DMD: variants seen among roughly 807,000 people sequenced by gnomAD.
DMD encodes mutant dystrophin.
A neutral mutation model predicts 330.1 loss-of-function variants in DMD; 63 were observed. The observed-to-expected ratio is 0.19, with a 90% CI of 0.16 to 0.24. The LOEUF is 0.24. Ranked by LOEUF, DMD falls within the 10% of genes least tolerant of loss-of-function variation. DMD has a pLI of 1.00. For missense variants in DMD, 3,344 were observed against 2,684.1 expected, an observed-to-expected ratio of 1.25 and a Z score of -5.43; for synonymous variants, 1,223 against 959.8, an observed-to-expected ratio of 1.27 and a Z score of -5.07.
At chrX:32,189,497 TA>T (rs1250476518) in intron 44 of DMD, among the ~76,000 whole-genome samples, 1 of 111,013 alleles carries the variant, frequency 9.0e-6, no homozygotes, top group Non-Finnish European at 1.9e-5. Context: ...CAGAATCAAG[TA>T]AATGTGACAG....
intron 56 of DMD, among the ~76,000 whole-genome samples, chrX:31,503,934 T>G (rs2070679326): frequency 9.0e-6 from 1 of 111,067 alleles, no homozygotes; most frequent in Admixed American, 9.6e-5. Flanking sequence ...AGAGAGAAGG[T>G]TCTACTAGAT....
At chrX:32,482,636 C>G (rs2042013625) in intron 21 of DMD, among the ~76,000 whole-genome samples, 1 of 111,527 alleles carries the variant, frequency 9.0e-6, no homozygotes, top group Admixed American at 9.6e-5. Context: ...CTAGTTCTTA[C>G]AGCATCCCAT....
intron 1 of DMD, among the ~76,000 whole-genome samples, chrX:33,223,198 C>T (rs371850408): frequency 9.0e-6 from 1 of 111,608 alleles, no homozygotes; most frequent in Non-Finnish European, 1.9e-5. Context: ...GTAATCCCAG[C>T]TACTTGAGAG....
chrX:31,508,665 G>A (rs1244310718), intron 55 of DMD, among the ~76,000 whole-genome samples: 1 of 111,935 alleles, frequency 8.9e-6, no homozygotes, highest in Non-Finnish European at 1.9e-5. Context: ...ACAATGAATG[G>A]AGGCTTTGTA....
intron 2 of DMD, among the ~76,000 whole-genome samples, chrX:32,858,907 C>G (rs1424456261): frequency 9.0e-6 from 1 of 111,000 alleles, no homozygotes; most frequent in African/African-American, 3.3e-5. Context: ...GCAGAAATAG[C>G]TAACTTCTGA....
intron 48 of DMD, among the ~76,000 whole-genome samples, chrX:31,868,350 C>A (rs1207457276): frequency 9.8e-5 from 11 of 112,059 alleles, no homozygotes; most frequent in Non-Finnish European, 2.1e-4. Flanking sequence ...TTAGAGTATG[C>A]TTTTGTAAAC....
intron 47 of DMD, among the ~76,000 whole-genome samples, chrX:31,890,017 A>G (rs1356722048): frequency 9.0e-6 from 1 of 110,808 alleles, no homozygotes. Context: ...ATAACAAATA[A>G]CAATAACTTG....
chrX:31,350,628 TGTGTGAGAGAGAGA>T lies in DMD; in HGVS notation c.9085-2008_9085-1995del, dbSNP rs773469218. ...GTGTGTGTGTGTGTGTGTGTGTGTG[TGTGTGAGAGAGAGA>T]GAGAGAGAGAGAGAGAGAAGAGAAG... On this transcript the variant is annotated intron_variant, in intron 60 of 78. Transcript: ENST00000357033. 5.2e-3 allele frequency among the ~76,000 whole-genome samples: 275 copies of T among 52,669 alleles called. 1 individual carries two copies. Among genetic ancestry groups the T allele is most frequent in the African/African-American group, 0.017 (213 of 12,303 alleles). 45.7% of individuals were successfully genotyped at this position (52,669 alleles called of 115,157 possible). A position where few individuals can be genotyped will look rare whatever the true frequency, so the allele number is the denominator to read the frequency against.
In DMD at chrX:32,515,636, G is replaced by A. The variant is rs188541210; in HGVS notation, c.2292+2372C>T. 5.4e-5 allele frequency among the ~76,000 whole-genome samples: 6 copies of A among 112,067 alleles called. No individual in the cohort carries two copies. In the East Asian group the frequency reaches 1.7e-3, roughly 31 times the overall value. ...TAGAATCTGTTAATTCAGCTAAAAA[G>A]TCTGAACTGCAGTGATACTAAAAGA... On this transcript the variant is annotated intron_variant, in intron 18 of 78. Coordinates refer to ENST00000357033, the MANE Select transcript of DMD (RefSeq NM_004006.3).
chrX:32,607,065 A>G (rs2056783974), intron 12 of DMD, among the ~76,000 whole-genome samples: 1 of 109,730 alleles, frequency 9.1e-6, no homozygotes, highest in Non-Finnish European at 1.9e-5. Flanking sequence ...TTATGGATAT[A>G]CTAAAATCCC....
chrX:32,440,895 G>T (rs889810119), intron 28 of DMD, among the ~76,000 whole-genome samples: 4 of 110,901 alleles, frequency 3.6e-5, no homozygotes, highest in African/African-American at 6.5e-5. Flanking sequence ...CACTGTCTTT[G>T]CAGGTTTGTG....
chrX:32,567,203 G>C (rs1173688895), intron 15 of DMD, among the ~76,000 whole-genome samples: 1 of 111,838 alleles, frequency 8.9e-6, no homozygotes, highest in Non-Finnish European at 1.9e-5. Context: ...GTATGTTATA[G>C]TTCAGTCTTC....
intron 43 of DMD, among the ~76,000 whole-genome samples, chrX:32,268,400 T>C (rs762577911): frequency 2.7e-5 from 3 of 111,808 alleles, no homozygotes; most frequent in Non-Finnish European, 5.6e-5. Context: ...AGAGTTGAAA[T>C]ATAAACACCT....
At chrX:32,161,533 A>T (rs1053182863) in intron 44 of DMD, among the ~76,000 whole-genome samples, 1 of 112,047 alleles carries the variant, frequency 8.9e-6, no homozygotes, top group African/African-American at 3.2e-5. Context: ...TACTCGGAGG[A>T]TTAAATACAA....
chrX:32,464,093 T>C (rs1049946029), intron 24 of DMD, among the ~76,000 whole-genome samples: 3 of 112,054 alleles, frequency 2.7e-5, no homozygotes, highest in Admixed American at 9.5e-5. Context: ...TCAAAATGCA[T>C]ACTGTGTTAT....
chrX:33,295,751 T>G (rs1250135215), intron 1 of DMD, among the ~76,000 whole-genome samples: 3 of 111,272 alleles, frequency 2.7e-5, no homozygotes, highest in Non-Finnish European at 3.8e-5. Context: ...TACCATTATT[T>G]CCACAGGGAT....
intron 42 of DMD, among the ~76,000 whole-genome samples, chrX:32,292,299 A>ATTTTTTTTTTTTTTTTTTTTTTTTTTTT (rs1355530949): frequency 9.7e-5 from 3 of 30,867 alleles, no homozygotes; most frequent in African/African-American, 3.7e-4. Flanking sequence ...CAAAGGGAAT[A>ATTTTTTTTTTTTTTTTTTTTTTTTTTTT]TTCTTTTTTT....
chrX:32,678,514 G>T (rs1249142102), intron 9 of DMD, among the ~76,000 whole-genome samples: 2 of 111,247 alleles, frequency 1.8e-5, no homozygotes. Context: ...GTGTGTGTGT[G>T]TGTGTGTTGT....
At chrX:31,722,906 G>A (rs970288905) in intron 52 of DMD, among the ~76,000 whole-genome samples, 3 of 110,078 alleles carry the variant, frequency 2.7e-5, no homozygotes, top group African/African-American at 9.9e-5. Flanking sequence ...AAATTAGCTG[G>A]GCATGATGGT....
Sources: allele counts gnomAD v4.1 joint callset (sites outside exome capture counted in the v4.1 genomes callset), GRCh38; gene constraint gnomAD v4.1.1; transcripts MANE v1.5; gene names NCBI Gene and HGNC (gene_info 2026-07-23, HGNC 2026-07-21).